The following TRPS1 variants were observed in gnomAD, a reference collection of about 807,000 sequenced individuals.
TRPS1 encodes the protein transcriptional repressor GATA binding 1, also known as zinc finger transcription factor Trps1.
A neutral mutation model predicts 101.2 loss-of-function variants in TRPS1; 6 were observed. That is an observed-to-expected ratio of 0.06 (90% CI 0.03 to 0.12). The LOEUF (loss-of-function observed/expected upper bound fraction) is 0.12. Among genes scored for constraint, TRPS1 ranks in the 10% least tolerant of loss-of-function variants. The pLI, the probability that TRPS1 is intolerant of heterozygous loss-of-function variation, is 1.00. For missense variants in TRPS1, 1,363 were observed against 1,567.0 expected (o/e 0.87, Z 2.20); for synonymous variants, 578 against 589.8 (o/e 0.98, Z 0.29).
chr8:115,592,481 T>C (rs1817698001), intron 4 of TRPS1, among the ~76,000 whole-genome samples: 1 of 152,152 alleles, frequency 6.6e-6, no homozygotes, highest in Non-Finnish European at 1.5e-5. Context: ...ATTTAAGCAG[T>C]AAACTGTTAA....
intron 5 of TRPS1, among the ~76,000 whole-genome samples, chr8:115,563,185 C>T (rs751026145): frequency 4.6e-5 from 7 of 152,012 alleles, no homozygotes; most frequent in Non-Finnish European, 7.4e-5. Context: ...AAAAGAACTG[C>T]AAGTCCTTTT....
chr8:115,459,324 A>AAATAAT (rs61516910), intron 5 of TRPS1, among the ~76,000 whole-genome samples: 19,121 of 149,812 alleles, frequency 0.13, 1,253 homozygotes, highest in Middle Eastern at 0.21. Context: ...ACTCTGTCTC[A>AAATAAT]AATAATAATA....
intron 5 of TRPS1, among the ~76,000 whole-genome samples, chr8:115,558,496 A>G (rs957076213): frequency 6.6e-6 from 1 of 152,224 alleles, no homozygotes; most frequent in Non-Finnish European, 1.5e-5. Context: ...TCAAGGTTAT[A>G]GTTTGGCACA....
intron 6 of TRPS1, among the ~76,000 whole-genome samples, chr8:115,415,415 T>G (rs1812894875): frequency 6.6e-6 from 1 of 152,152 alleles, no homozygotes; most frequent in South Asian, 2.1e-4. Flanking sequence ...AGAGATGTGA[T>G]TTTTCTGAAA....
At chr8:115,555,693 C>T (rs1298581134) in intron 5 of TRPS1, among the ~76,000 whole-genome samples, 1 of 152,078 alleles carries the variant, frequency 6.6e-6, no homozygotes, top group Non-Finnish European at 1.5e-5. Flanking sequence ...TGCTAAGACA[C>T]TGCTAAACCT....
intron 5 of TRPS1, among the ~76,000 whole-genome samples, chr8:115,485,221 G>A (rs1480187410): frequency 1.3e-5 from 2 of 152,226 alleles, no homozygotes; most frequent in Admixed American, 6.5e-5. Flanking sequence ...CATGGGAACT[G>A]CCCATAGGGG....
intron 5 of TRPS1, among the ~76,000 whole-genome samples, chr8:115,576,990 T>C (rs1817333645): frequency 6.6e-6 from 1 of 152,172 alleles, no homozygotes. Flanking sequence ...CAGATTTTTC[T>C]ATATTACCAG....
intron 5 of TRPS1, among the ~76,000 whole-genome samples, chr8:115,472,546 T>A (rs1046656293): frequency 1.3e-5 from 2 of 152,212 alleles, no homozygotes; most frequent in South Asian, 4.1e-4. Context: ...ATTTGCCTCC[T>A]TGTTACTTAT....
At chr8:115,539,061 A>T (rs1816389983) in intron 5 of TRPS1, among the ~76,000 whole-genome samples, 1 of 152,220 alleles carries the variant, frequency 6.6e-6, no homozygotes, top group Non-Finnish European at 1.5e-5. Flanking sequence ...GAGTCAACCT[A>T]ACAGTAAGGC....
chr8:115,527,035 A>G (rs960584824), intron 5 of TRPS1, among the ~76,000 whole-genome samples: 2 of 152,168 alleles, frequency 1.3e-5, no homozygotes, highest in African/African-American at 4.8e-5. Flanking sequence ...CTTTGGGAAC[A>G]TAAGACTGTG....
At position 115,535,426 on chromosome 8, in the gene TRPS1, A is replaced by G. The variant is rs543739252; in HGVS notation, c.2700+51575T>C. ...TATATAGCATATATAGTGCATATAT[A>G]TAGTGCATATATATAGCGTATATAG... On this transcript the variant is annotated intron_variant, in intron 5 of 6. Transcript: ENST00000395715. 2.8e-4 allele frequency among the ~76,000 whole-genome samples: 41 copies of G among 148,844 alleles called. 1 individual carries two copies. Among genetic ancestry groups the G allele is most frequent in the Non-Finnish European group, 1.0e-4 (7 of 67,356 alleles).
chr8:115,427,285 A>T (rs1320036496), intron 5 of TRPS1, among the ~76,000 whole-genome samples: 1 of 152,166 alleles, frequency 6.6e-6, no homozygotes, highest in Non-Finnish European at 1.5e-5. Context: ...TCTAAAATAG[A>T]TAAATAGAAA....
At chr8:115,507,793 C>T (rs1815483953) in intron 5 of TRPS1, among the ~76,000 whole-genome samples, 1 of 152,024 alleles carries the variant, frequency 6.6e-6, no homozygotes, top group African/African-American at 2.4e-5. Flanking sequence ...TTTATTACAA[C>T]ACATAAATCA....
chr8:115,503,209 G>C (rs560221583), intron 5 of TRPS1, among the ~76,000 whole-genome samples: 1 of 144,554 alleles, frequency 6.9e-6, no homozygotes, highest in African/African-American at 2.6e-5. Context: ...AGCCGAGATC[G>C]CACCACTGCA....
At chr8:115,597,412 C>G (rs1817811632) in intron 4 of TRPS1, among the ~76,000 whole-genome samples, 1 of 151,966 alleles carries the variant, frequency 6.6e-6, no homozygotes, top group African/African-American at 2.4e-5. Flanking sequence ...GGTCTCATTT[C>G]ATTGCACTGA....
chr8:115,473,715 T>G (rs775200439), intron 5 of TRPS1, among the ~76,000 whole-genome samples: 1 of 152,228 alleles, frequency 6.6e-6, no homozygotes, highest in Non-Finnish European at 1.5e-5. Context: ...CAGTCTTAAT[T>G]AGCATCTATC....
intron 5 of TRPS1, among the ~76,000 whole-genome samples, chr8:115,500,057 T>C (rs1248132845): frequency 6.6e-6 from 1 of 151,872 alleles, no homozygotes; most frequent in Non-Finnish European, 1.5e-5. Context: ...CAAGACGCGA[T>C]CTCGCTCTAT....
intron 5 of TRPS1, among the ~76,000 whole-genome samples, chr8:115,547,633 C>G (rs1466291665): frequency 1.3e-5 from 2 of 152,164 alleles, no homozygotes; most frequent in African/African-American, 4.8e-5. Flanking sequence ...CCCAACCTGC[C>G]TCCCTCTAGA....
intron 1 of TRPS1, among the ~76,000 whole-genome samples, chr8:115,665,376 T>A (rs1392489532): frequency 1.3e-5 from 2 of 152,152 alleles, no homozygotes; most frequent in Non-Finnish European, 2.9e-5. Flanking sequence ...CATATACATC[T>A]AATAATAGTA....
Sources: allele counts gnomAD v4.1 joint callset (sites outside exome capture counted in the v4.1 genomes callset), GRCh38; gene constraint gnomAD v4.1.1; transcripts MANE v1.5; gene names NCBI Gene and HGNC (gene_info 2026-07-23, HGNC 2026-07-21).